SCHIP1: variants seen among roughly 807,000 people sequenced by gnomAD.
SCHIP1 encodes schwannomin interacting protein 1, also known as schwannomin-interacting protein 1.
SCHIP1 carries 8 observed loss-of-function variants against 29.7 expected under a neutral mutation model. The ratio of observed to expected loss-of-function variants is 0.27; its 90% CI spans 0.16 to 0.49. SCHIP1 has a LOEUF of 0.49. Among genes scored for constraint, SCHIP1 ranks in the 20% least tolerant of loss-of-function variants. SCHIP1 has a pLI of 0.99. For missense variants in SCHIP1, 193 were observed against 294.6 expected (o/e 0.66, Z 2.52); for synonymous variants, 76 against 94.9 (o/e 0.80, Z 1.16).
chr3:159,569,280 T>C, the SCHIP1 span, among the ~76,000 whole-genome samples: 1 of 152,104 alleles, frequency 6.6e-6, no homozygotes, highest in Non-Finnish European at 1.5e-5. Context: ...AATTCATCAT[T>C]TACATTAAGT....
At chr3:159,654,872 T>A in the SCHIP1 span, among the ~76,000 whole-genome samples, 1 of 148,104 alleles carries the variant, frequency 6.8e-6, no homozygotes, top group Non-Finnish European at 1.5e-5. Context: ...CAAAGTGACA[T>A]ACTGATTTGT....
the SCHIP1 span, among the ~76,000 whole-genome samples, chr3:159,483,970 A>C: frequency 2.0e-5 from 3 of 152,192 alleles, no homozygotes; most frequent in African/African-American, 7.2e-5. Context: ...CAATATTTTC[A>C]TCTGGTCTAC....
chr3:159,354,643 G>A, the SCHIP1 span, among the ~76,000 whole-genome samples: 7 of 152,080 alleles, frequency 4.6e-5, no homozygotes, highest in Non-Finnish European at 8.8e-5. Flanking sequence ...AAATTACATC[G>A]AAGAAGGACT....
chr3:159,643,368 G>T, the SCHIP1 span, among the ~76,000 whole-genome samples: 3 of 152,028 alleles, frequency 2.0e-5, no homozygotes, highest in Admixed American at 2.0e-4. Context: ...ATCAAGAGTG[G>T]CTCTGACCCT....
At chr3:159,357,912 T>C in the SCHIP1 span, among the ~76,000 whole-genome samples, 8 of 152,188 alleles carry the variant, frequency 5.3e-5, no homozygotes, top group Non-Finnish European at 1.0e-4. Context: ...AGGGATGATA[T>C]ACAGAAAGTC....
the SCHIP1 span, among the ~76,000 whole-genome samples, chr3:159,812,714 C>T: frequency 6.6e-6 from 1 of 152,136 alleles, no homozygotes; most frequent in Non-Finnish European, 1.5e-5. Flanking sequence ...GGAATTTACA[C>T]CTAGTTTTAC....
rs550391481 is a variant in SCHIP1, at chr3:159,852,976, C to G, written c.30+12762C>G. 2.4e-4 allele frequency: 38 copies of G among 160,420 alleles called. No homozygotes were observed. The South Asian group carries it at 7.5e-3, about 32-fold the overall frequency. The allele number at this position is 160,420 out of a possible 1,614,324, so 9.9% of individuals were successfully genotyped here. On this transcript the variant is annotated intron_variant, in intron 1 of 6. Transcript: ENST00000445224. ...TCCTCACAGAGCTCCAGTCCACACT[C>G]GGCCCTGAACGCGGAGTTGAATCAG...
At chr3:159,606,792 A>C in the SCHIP1 span, among the ~76,000 whole-genome samples, 2 of 152,200 alleles carry the variant, frequency 1.3e-5, no homozygotes, top group East Asian at 3.9e-4. Flanking sequence ...GAAAAGGTGT[A>C]TCTTGACTTC....
the SCHIP1 span, among the ~76,000 whole-genome samples, chr3:159,557,179 G>A: frequency 2.0e-5 from 3 of 151,550 alleles, no homozygotes; most frequent in East Asian, 1.9e-4. Context: ...GGATGGTCTC[G>A]ATCTCCTGAC....
chr3:159,888,030 C>A, intron 4 of SCHIP1, 125 bp downstream of exon 5: 1 of 1,265,102 alleles, frequency 7.9e-7, no homozygotes, highest in Non-Finnish European at 1.1e-6. Flanking sequence ...AAAGTCCTGT[C>A]ATTGAGAAAT....
chr3:159,298,757 G>A, the SCHIP1 span, among the ~76,000 whole-genome samples: 1 of 152,140 alleles, frequency 6.6e-6, no homozygotes, highest in Non-Finnish European at 1.5e-5. Context: ...ACACTGCAAG[G>A]CAAGCATCAG....
At chr3:159,688,387 C>T in the SCHIP1 span, among the ~76,000 whole-genome samples, 1 of 152,176 alleles carries the variant, frequency 6.6e-6, no homozygotes. Flanking sequence ...TTGTTGGCCA[C>T]ATAAATGTCT....
Position 159,887,691 on chromosome 3 carries a change from T to G in SCHIP1, c.268-17T>G, listed in dbSNP as rs775221696. On this transcript the variant is annotated splice_polypyrimidine_tract_variant and intron_variant, in intron 3 of 6. Transcript: ENST00000445224. ...GGCATGCATGGAAGGCTCAGGCTGC[T>G]CTTTTTCCCTTTGCAGAGCAAACAG... The G allele has an allele frequency of 6.2e-7, 1 of 1,613,712 alleles. No individual in the cohort carries two copies. The highest frequency in any genetic ancestry group is 8.5e-7 in the Non-Finnish European group (1 of 1,179,682).
At chr3:159,871,974 C>T (rs950676966) in intron 2 of SCHIP1, among the ~76,000 whole-genome samples, 6 of 152,128 alleles carry the variant, frequency 3.9e-5, no homozygotes, top group African/African-American at 1.2e-4. Flanking sequence ...CTGAGCATTT[C>T]GAGGATCCTG....
chr3:159,691,132 A>T, the SCHIP1 span, among the ~76,000 whole-genome samples: 1 of 152,204 alleles, frequency 6.6e-6, no homozygotes, highest in Non-Finnish European at 1.5e-5. Context: ...GCTGAGTTCA[A>T]GTCCTGAATA....
chr3:159,586,463 C>A, the SCHIP1 span, among the ~76,000 whole-genome samples: 420 of 152,284 alleles, frequency 2.8e-3, 1 homozygote, highest in Non-Finnish European at 4.6e-3. Flanking sequence ...TTTACAGCTG[C>A]CTGACCATCC....
chr3:159,445,005 C>G, the SCHIP1 span, among the ~76,000 whole-genome samples: 2 of 152,014 alleles, frequency 1.3e-5, no homozygotes, highest in East Asian at 1.9e-4. Flanking sequence ...GCAATGGCAA[C>G]AAAAGCCAAA....
chr3:159,322,780 C>A, the SCHIP1 span, among the ~76,000 whole-genome samples: 1 of 152,104 alleles, frequency 6.6e-6, no homozygotes, highest in African/African-American at 2.4e-5. Context: ...AATTGGGATG[C>A]GGGGTGTCTG....
At chr3:159,295,265 A>AC in the SCHIP1 span, among the ~76,000 whole-genome samples, 7 of 146,022 alleles carry the variant, frequency 4.8e-5, no homozygotes, top group East Asian at 2.1e-4. Flanking sequence ...AAAAAAAAAA[A>AC]AAAAAAAAAA....
Sources: allele counts gnomAD v4.1 joint callset (sites outside exome capture counted in the v4.1 genomes callset), GRCh38; gene constraint gnomAD v4.1.1; transcripts MANE v1.5; gene names NCBI Gene and HGNC (gene_info 2026-07-23, HGNC 2026-07-21).